Variants in XRN1 observed in about 807,000 individuals in gnomAD.
The protein encoded by XRN1 is 5'-3' exoribonuclease 1, also known as strand-exchange protein 1 homolog.
A neutral mutation model predicts 222.3 loss-of-function variants in XRN1; 67 were observed. That is an observed-to-expected ratio of 0.30 (90% CI 0.25 to 0.37). The LOEUF is 0.37. Ranked by LOEUF, XRN1 falls within the 10% of genes least tolerant of loss-of-function variation. XRN1 has a pLI of 1.00. For synonymous variants in XRN1, 643 were observed against 652.4 expected (o/e 0.99, Z 0.22); for missense variants, 1,707 against 2,000.2 (o/e 0.85, Z 2.80).
Position 142,403,924 on chromosome 3 carries a change from T to C in XRN1, c.1949A>G (p.Asp650Gly), listed in dbSNP as rs1266804015. 1.2e-6 allele frequency: 2 copies of C among 1,612,434 alleles called. No individual in the cohort carries two copies. Among genetic ancestry groups the C allele is most frequent in the East Asian group, 2.2e-5 (1 of 44,742 alleles). The change falls in exon 17 of 41, where the codon GAC (aspartate) becomes GGC (glycine). Residue 650 changes from aspartate (D) to glycine (G), a missense_variant. Around this residue, in one of 2 missense-constraint regions of XRN1, gnomAD observed 1,234 missense variants for 1,518.2 expected, o/e 0.81. Transcript: ENST00000392981. ...DINKNKITRIDQKALYFCGFP... is the reference protein window; with the variant it reads ...DINKNKITRIGQKALYFCGFP... Reference sequence around the variant, plus strand: ...TCCACAGAAATATAATGCTTTCTGGTCAATTCTGGTTATTTTGTTTTTGTT... The same window carrying C: ...TCCACAGAAATATAATGCTTTCTGGCCAATTCTGGTTATTTTGTTTTTGTT...
At chr3:142,343,675 G>C (rs937815672) in intron 33 of XRN1, among the ~76,000 whole-genome samples, 1 of 152,028 alleles carries the variant, frequency 6.6e-6, no homozygotes, top group African/African-American at 2.4e-5. Context: ...ACAATTTGGA[G>C]GTTTTGTAAA....
intron 15 of XRN1, among the ~76,000 whole-genome samples, chr3:142,408,821 A>T (rs1309073155): frequency 2.0e-5 from 3 of 152,230 alleles, no homozygotes; most frequent in Non-Finnish European, 4.4e-5. Context: ...TTAGCAGTGT[A>T]TAAAAATTCC....
At chr3:142,334,548 C>T (rs1347691104) in intron 34 of XRN1, among the ~76,000 whole-genome samples, 1 of 151,798 alleles carries the variant, frequency 6.6e-6, no homozygotes, top group Admixed American at 6.6e-5. Context: ...ATGATCTTGG[C>T]TTCCCCCACA....
intron 32 of XRN1, among the ~76,000 whole-genome samples, chr3:142,351,994 A>C (rs1320798547): frequency 6.6e-6 from 1 of 151,826 alleles, no homozygotes; most frequent in Non-Finnish European, 1.5e-5. Flanking sequence ...CAGGCATATA[A>C]TCTAAAATGC....
At chr3:142,391,747 A>AT (rs758631390) in intron 20 of XRN1, among the ~76,000 whole-genome samples, 11 of 108,392 alleles carry the variant, frequency 1.0e-4, no homozygotes, top group African/African-American at 2.9e-4. Flanking sequence ...AAAAAAAAAA[A>AT]AAATATATAT....
chr3:142,332,259 TAA>T (rs2065720206), intron 36 of XRN1, 114 bp downstream of exon 36: 2 of 885,200 alleles, frequency 2.3e-6, no homozygotes, highest in African/African-American at 3.4e-5. Context: ...ATCTCTAAAA[TAA>T]ATAAATACAT....
chr3:142,356,180 T>C (rs1197312782), intron 31 of XRN1, among the ~76,000 whole-genome samples: 1 of 152,160 alleles, frequency 6.6e-6, no homozygotes, highest in Non-Finnish European at 1.5e-5. Flanking sequence ...AAGATTTTAT[T>C]TTTAAAATCT....
At chr3:142,315,504 TTC>T (rs2065189440) in intron 39 of XRN1, among the ~76,000 whole-genome samples, 1 of 147,150 alleles carries the variant, frequency 6.8e-6, no homozygotes, top group African/African-American at 2.5e-5. Context: ...AAAAAAGATT[TTC>T]TTTTTCTTTT....
At chr3:142,352,221 T>TG (rs1344796273) in intron 32 of XRN1, among the ~76,000 whole-genome samples, 1 of 152,180 alleles carries the variant, frequency 6.6e-6, no homozygotes, top group African/African-American at 2.4e-5. Context: ...GACCCTGTCA[T>TG]CTGTTTTGGC....
At chr3:142,340,539 T>C (rs892512813) in intron 33 of XRN1, among the ~76,000 whole-genome samples, 1 of 151,914 alleles carries the variant, frequency 6.6e-6, no homozygotes, top group Non-Finnish European at 1.5e-5. Flanking sequence ...TTCTCATATC[T>C]AGAGAAAGGT....
intron 29 of XRN1, among the ~76,000 whole-genome samples, chr3:142,360,952 T>C (rs2066611023): frequency 6.6e-6 from 1 of 151,934 alleles, no homozygotes; most frequent in African/African-American, 2.4e-5. Context: ...TGCACATATC[T>C]GAAATATACA....
intron 27 of XRN1, among the ~76,000 whole-genome samples, chr3:142,367,986 T>G: frequency 6.6e-6 from 1 of 151,178 alleles, no homozygotes; most frequent in East Asian, 1.9e-4. Flanking sequence ...CCTGACAAAT[T>G]AACAGGTTTA....
At chr3:142,334,802 A>ACACAC (rs397771450) in intron 34 of XRN1, among the ~76,000 whole-genome samples, 1 of 138,920 alleles carries the variant, frequency 7.2e-6, no homozygotes, top group African/African-American at 2.7e-5. Context: ...ACACACACAC[A>ACACAC]AAAGACCATA....
At chr3:142,321,660 G>A (rs530958526) in intron 37 of XRN1, among the ~76,000 whole-genome samples, 3 of 152,130 alleles carry the variant, frequency 2.0e-5, no homozygotes, top group African/African-American at 4.8e-5. Context: ...TGTAGTTTTC[G>A]GTGTATAAGC....
intron 20 of XRN1, among the ~76,000 whole-genome samples, chr3:142,388,080 C>T (rs900876418): frequency 6.6e-6 from 1 of 152,112 alleles, no homozygotes; most frequent in Non-Finnish European, 1.5e-5. Flanking sequence ...TGGGCTAAGA[C>T]AATACTTTCA....
At position 142,328,420 on chromosome 3, in the gene XRN1, A is replaced by T. The variant is rs983109355; in HGVS notation, c.4404+1014T>A. Among the ~76,000 whole-genome samples the T allele has an allele frequency of 6.6e-5, 10 of 152,030 alleles. No individual in the cohort carries two copies. The East Asian group carries it at 1.2e-3, about 18-fold the overall frequency. ...AGGGCCATTCAGAAACATAATGTTT[A>T]ATTTCCATTTATTTGTATAGTTTCC... On this transcript the variant is annotated intron_variant, in intron 37 of 40. Transcript: ENST00000392981.
At chr3:142,403,838 T>C (rs2068239623) in intron 17 of XRN1, 31 bp downstream of exon 17, 1 of 1,611,608 alleles carries the variant, frequency 6.2e-7, no homozygotes. Flanking sequence ...CTTAATAAAG[T>C]GAAAAAATTC....
intron 5 of XRN1, among the ~76,000 whole-genome samples, chr3:142,424,996 A>T (rs542088630): frequency 6.6e-6 from 1 of 152,240 alleles, no homozygotes; most frequent in African/African-American, 2.4e-5. Context: ...CAGCACTAGG[A>T]TTAGTCACAC....
intron 23 of XRN1, among the ~76,000 whole-genome samples, chr3:142,377,716 T>C (rs2107916211): frequency 6.6e-6 from 1 of 152,164 alleles, no homozygotes; most frequent in Non-Finnish European, 1.5e-5. Flanking sequence ...AATGTTGTGG[T>C]AAAAAAAGAA....
Sources: allele counts gnomAD v4.1 joint callset (sites outside exome capture counted in the v4.1 genomes callset), GRCh38; gene constraint gnomAD v4.1.1; regional missense constraint gnomAD v4.1.1; transcripts MANE v1.5; gene names NCBI Gene and HGNC (gene_info 2026-07-23, HGNC 2026-07-21).